VAV2: variants seen among roughly 807,000 people sequenced by gnomAD.
VAV2 encodes guanine nucleotide exchange factor VAV2.
VAV2 carries 67 observed loss-of-function variants against 132.5 expected under a neutral mutation model. That is an observed-to-expected ratio of 0.51 (90% CI 0.42 to 0.62). VAV2 has a LOEUF of 0.62. Among genes scored for constraint, VAV2 ranks in the 20% least tolerant of loss-of-function variants. The probability of loss-of-function intolerance (pLI) is 0.00; values close to 1 mark genes in which losing one functional copy is unlikely to be tolerated. For synonymous variants in VAV2, 492 were observed against 443.5 expected (o/e 1.11, Z -1.37); for missense variants, 938 against 1,153.6 (o/e 0.81, Z 2.71).
In VAV2 at chr9:133,985,878, T is replaced by C. The variant is rs551630967; in HGVS notation, c.204+6197A>G. ...TAAATAATGATGGTAACAGGTTATA[T>C]GCATGGAATAAAATAGGAAACCATA... On this transcript the variant is annotated intron_variant, in intron 1 of 29. Coordinates refer to ENST00000371850, the MANE Select transcript of VAV2 (RefSeq NM_001134398.2). 3.0e-4 allele frequency among the ~76,000 whole-genome samples: 45 copies of C among 152,114 alleles called. 1 individual carries two copies. In the South Asian group the frequency reaches 8.9e-3, roughly 30 times the overall value.
rs1588383255 is a variant in VAV2, at chr9:133,928,376, C to T, written c.321+10727G>A. Among the ~76,000 whole-genome samples, 2 of 152,208 alleles carry T rather than the reference C, an allele frequency of 1.3e-5. No individual in the cohort carries two copies. Among genetic ancestry groups the T allele is most frequent in the African/African-American group, 4.8e-5 (2 of 41,452 alleles). On this transcript the variant is annotated intron_variant, in intron 2 of 29. Coordinates refer to ENST00000371850, the MANE Select transcript of VAV2 (RefSeq NM_001134398.2). The surrounding 1 kb of genome is among the most constrained non-coding windows in gnomAD (Gnocchi z 5.4). ...TGAAGGCCTTTGCCAACAGCCCCTGCGCCGGGCTCTGCCGGGAGCCTGAGG... is the reference window on the plus strand; with the variant it reads ...TGAAGGCCTTTGCCAACAGCCCCTGTGCCGGGCTCTGCCGGGAGCCTGAGG...
chr9:133,909,017 G>A lies in VAV2; in HGVS notation c.321+30086C>T, dbSNP rs565901033. Among the ~76,000 whole-genome samples the A allele has an allele frequency of 4.6e-5, 7 of 152,308 alleles. No homozygotes were observed. The South Asian group carries it at 1.0e-3, about 23-fold the overall frequency. On this transcript the variant is annotated intron_variant, in intron 2 of 29. Transcript: ENST00000371850. The stretch of plus-strand genomic sequence containing the variant: ...GAATGATTGGGAATGAACCTGATCC[G>A]GTAAGAACATCGAACTCAAAAAGAA...
chr9:133,937,775 A>T (rs1654463323), intron 2 of VAV2, among the ~76,000 whole-genome samples: 1 of 152,206 alleles, frequency 6.6e-6, no homozygotes, highest in Non-Finnish European at 1.5e-5. Flanking sequence ...AAGCCCCTGG[A>T]CAGCAGGACC....
At chr9:133,808,902 G>T (rs907613215) in intron 7 of VAV2, 138 bp downstream of exon 7, 12 of 748,920 alleles carry the variant, frequency 1.6e-5, no homozygotes, top group Non-Finnish European at 2.1e-5. Flanking sequence ...AGGCAGAGCT[G>T]GGAGGGCCAC....
chr9:133,767,373 G>A (rs1035307512), intron 29 of VAV2, among the ~76,000 whole-genome samples: 6 of 152,162 alleles, frequency 3.9e-5, no homozygotes, highest in Non-Finnish European at 8.8e-5. Context: ...GAAAAGAAAA[G>A]ACGTTTCATA....
rs886888629 is a variant in VAV2, at chr9:133,863,595, C to G, written c.322-2163G>C. Among the ~76,000 whole-genome samples the G allele has an allele frequency of 3.9e-5, 6 of 152,152 alleles. No homozygotes were observed. Among genetic ancestry groups the G allele is most frequent in the African/African-American group, 1.4e-4 (6 of 41,440 alleles). On this transcript the variant is annotated intron_variant, in intron 2 of 29. Coordinates refer to ENST00000371850, the MANE Select transcript of VAV2 (RefSeq NM_001134398.2). The surrounding 1 kb of genome is among the most constrained non-coding windows in gnomAD (Gnocchi z 5.0). ...CAGCCCCAAGCTTGGGGCGCTTTGC[C>G]CCAGGATGAACGTGTCACGAGCAGC...
At position 133,806,147 on chromosome 9, in the gene VAV2, G is replaced by A; in HGVS notation, c.770C>T (p.Ala257Val). 3 of 1,612,862 alleles carry A rather than the reference G, an allele frequency of 1.9e-6. No individual in the cohort carries two copies. Among genetic ancestry groups the A allele is most frequent in the Non-Finnish European group, 2.5e-6 (3 of 1,179,912 alleles). Residue 257 changes from alanine to valine, a missense_variant, in exon 9 of 30, where the codon GCC (alanine) becomes GTC (valine). Physicochemically the swap from Ala to Val is moderately conservative, Grantham distance 64. Coordinates refer to ENST00000371850, the MANE Select transcript of VAV2 (RefSeq NM_001134398.2). The stretch of plus-strand genomic sequence containing the variant: ...CCCCACCATCACGGACACGTCGATG[G>A]CCCTCAGGAAGCTGTGATGCACCTT... ...LIKVHHSFLR[A>V]IDVSVMVGGS...
chr9:133,768,624 C>G lies in VAV2; in HGVS notation c.2435-28G>C, dbSNP rs1833515739. 2 of 1,606,652 alleles carry G rather than the reference C, an allele frequency of 1.2e-6. No individual in the cohort carries two copies. The highest frequency in any genetic ancestry group is 1.7e-6 in the Non-Finnish European group (2 of 1,176,690). On this transcript the variant is annotated intron_variant, in intron 28 of 29. Coordinates refer to ENST00000371850, the MANE Select transcript of VAV2 (RefSeq NM_001134398.2). The surrounding 1 kb of genome is among the most constrained non-coding windows in gnomAD (Gnocchi z 5.3). ...GTTGAGGGAGATGGGCAGCATCACA[C>G]AGCTGCAGGAGGAGCCCAACCAGTG...
chr9:133,803,199 A>G (rs1835004180), intron 9 of VAV2, among the ~76,000 whole-genome samples: 2 of 151,874 alleles, frequency 1.3e-5, no homozygotes, highest in African/African-American at 2.4e-5. Flanking sequence ...ACGCAGGGAG[A>G]TCCCACCCAG....
At chr9:133,974,259 G>A (rs556262014) in intron 1 of VAV2, among the ~76,000 whole-genome samples, 3 of 152,292 alleles carry the variant, frequency 2.0e-5, no homozygotes, top group East Asian at 3.9e-4. Context: ...GGTCAGTAAC[G>A]CTTGCTGGGT....
intron 4 of VAV2, among the ~76,000 whole-genome samples, chr9:133,822,853 T>G (rs1835848700): frequency 6.6e-6 from 1 of 152,132 alleles, no homozygotes; most frequent in South Asian, 2.1e-4. Flanking sequence ...CAGGGGAATG[T>G]CCCGGGCCAC....
intron 2 of VAV2, among the ~76,000 whole-genome samples, chr9:133,865,040 A>C (rs1837746186): frequency 6.6e-6 from 1 of 152,244 alleles, no homozygotes; most frequent in Non-Finnish European, 1.5e-5. Flanking sequence ...CAGGTTCAGC[A>C]GAGGATAGGA....
At chr9:133,842,175 T>G (rs1195535684) in intron 3 of VAV2, among the ~76,000 whole-genome samples, 1 of 152,246 alleles carries the variant, frequency 6.6e-6, no homozygotes, top group African/African-American at 2.4e-5. Flanking sequence ...TCCCACACTC[T>G]GCTGGCATCT....
chr9:133,804,053 C>T lies in VAV2; in HGVS notation c.836+2028G>A, dbSNP rs1217571777. ...TTCTCTATCTTGTCTTGGTTCTCATCCATCCCACCCAGCGAGAGGCCAGTA... is the reference window on the plus strand; with the variant it reads ...TTCTCTATCTTGTCTTGGTTCTCATTCATCCCACCCAGCGAGAGGCCAGTA... On this transcript the variant is annotated intron_variant, in intron 9 of 29. Coordinates refer to ENST00000371850, the MANE Select transcript of VAV2 (RefSeq NM_001134398.2). This position sits in a 1 kb window ranked among gnomAD's most constrained non-coding sequence, Gnocchi z 4.5. 3.9e-5 allele frequency among the ~76,000 whole-genome samples: 6 copies of T among 152,196 alleles called. No individual in the cohort carries two copies. Among genetic ancestry groups the T allele is most frequent in the Non-Finnish European group, 8.8e-5 (6 of 68,030 alleles).
At chr9:133,914,271 T>C (rs1472488002) in intron 2 of VAV2, among the ~76,000 whole-genome samples, 1 of 152,074 alleles carries the variant, frequency 6.6e-6, no homozygotes, top group Non-Finnish European at 1.5e-5. Flanking sequence ...CCTGGGTATG[T>C]ACCCAACAGG....
chr9:133,809,615 A>G (rs1835284799), intron 6 of VAV2, among the ~76,000 whole-genome samples: 2 of 152,212 alleles, frequency 1.3e-5, no homozygotes, highest in Admixed American at 6.5e-5. Flanking sequence ...AGCCACCTGC[A>G]GGCTGGACTC....
chr9:133,821,424 G>A (rs905047604), intron 4 of VAV2, among the ~76,000 whole-genome samples: 1 of 152,174 alleles, frequency 6.6e-6, no homozygotes, highest in Non-Finnish European at 1.5e-5. Flanking sequence ...CTGCAACCAG[G>A]ATAACCTAAG....
chr9:133,831,138 T>C (rs1836245757), intron 4 of VAV2, among the ~76,000 whole-genome samples: 1 of 151,944 alleles, frequency 6.6e-6, no homozygotes, highest in Non-Finnish European at 1.5e-5. Flanking sequence ...CAGAGAAAGA[T>C]GGAAAATGGG....
At chr9:133,931,909 T>C (rs545578542) in intron 2 of VAV2, among the ~76,000 whole-genome samples, 5 of 152,090 alleles carry the variant, frequency 3.3e-5, no homozygotes, top group Non-Finnish European at 5.9e-5. Context: ...CACCAGTTGC[T>C]TAGGTGGGGA....
Sources: allele counts gnomAD v4.1 joint callset (sites outside exome capture counted in the v4.1 genomes callset), GRCh38; gene constraint gnomAD v4.1.1; non-coding constraint Gnocchi (gnomAD v3.1); transcripts MANE v1.5; gene names NCBI Gene and HGNC (gene_info 2026-07-23, HGNC 2026-07-21).